IGF2BP3: variants seen among roughly 807,000 people sequenced by gnomAD.
IGF2BP3 encodes insulin-like growth factor 2 mRNA-binding protein 3.
Under a neutral mutation model 73.8 loss-of-function variants are expected in IGF2BP3, and 9 were observed. The observed-to-expected ratio is 0.12, with a 90% confidence interval of 0.07 to 0.21. The LOEUF (loss-of-function observed/expected upper bound fraction) is 0.21, where lower values mean the gene tolerates loss of function less well. Ranked by LOEUF, IGF2BP3 falls within the 10% of genes least tolerant of loss-of-function variation. The pLI is 1.00. For synonymous variants in IGF2BP3, 258 were observed against 256.7 expected, an observed-to-expected ratio of 1.01 and a Z score of -0.05; for missense variants, 542 against 714.0, an observed-to-expected ratio of 0.76 and a Z score of 2.75.
At chr7:23,322,183 G>A (rs1345443016) in intron 10 of IGF2BP3, among the ~76,000 whole-genome samples, 2 of 152,158 alleles carry the variant, frequency 1.3e-5, no homozygotes, top group Non-Finnish European at 2.9e-5. Flanking sequence ...AAAAAGTTTA[G>A]AAGAATGTAT....
intron 6 of IGF2BP3, among the ~76,000 whole-genome samples, chr7:23,348,203 C>T (rs1255981913): frequency 6.6e-6 from 1 of 152,224 alleles, no homozygotes; most frequent in Non-Finnish European, 1.5e-5. Flanking sequence ...TTGCAAGGTT[C>T]TTCCCACATT....
At chr7:23,460,085 T>C (rs1402950190) in intron 2 of IGF2BP3, among the ~76,000 whole-genome samples, 2 of 123,982 alleles carry the variant, frequency 1.6e-5, no homozygotes, top group Non-Finnish European at 3.4e-5. Flanking sequence ...AAAAAAAAAT[T>C]AGCCAGACGA....
At chr7:23,334,287 C>T (rs1784517642) in intron 10 of IGF2BP3, among the ~76,000 whole-genome samples, 1 of 152,162 alleles carries the variant, frequency 6.6e-6, no homozygotes, top group Non-Finnish European at 1.5e-5. Flanking sequence ...AAGATCATGA[C>T]ACTGCACTCC....
chr7:23,398,289 C>T (rs1057429791), intron 3 of IGF2BP3, among the ~76,000 whole-genome samples: 1 of 152,186 alleles, frequency 6.6e-6, no homozygotes, highest in Non-Finnish European at 1.5e-5. Flanking sequence ...ATATGTGCCA[C>T]ATTTTCTTAA....
chr7:23,415,307 C>T (rs1189186280), intron 3 of IGF2BP3: 2 of 242,572 alleles, frequency 8.2e-6, no homozygotes, highest in African/African-American at 2.4e-5. Context: ...TCACCACATC[C>T]GCAGGTCCCC....
At chr7:23,427,302 AG>A (rs1055864005) in intron 2 of IGF2BP3, among the ~76,000 whole-genome samples, 2 of 152,146 alleles carry the variant, frequency 1.3e-5, no homozygotes, top group African/African-American at 4.8e-5. Context: ...AATTTCTTGG[AG>A]GTCCCGTTTC....
At chr7:23,440,823 A>G (rs1196102294) in intron 2 of IGF2BP3, among the ~76,000 whole-genome samples, 1 of 152,222 alleles carries the variant, frequency 6.6e-6, no homozygotes. Context: ...CCCACATCAT[A>G]TACATAAACA....
intron 3 of IGF2BP3, 100 bp from the exon 4 acceptor site, chr7:23,361,841 AG>A: frequency 9.8e-7 from 1 of 1,021,148 alleles, no homozygotes; most frequent in Non-Finnish European, 1.4e-6. Flanking sequence ...GTGATGGAAA[AG>A]AGCCAAAAAA....
chr7:23,451,632 A>G, intron 2 of IGF2BP3, among the ~76,000 whole-genome samples: 1 of 151,954 alleles, frequency 6.6e-6, no homozygotes, highest in South Asian at 2.1e-4. Context: ...ATTCCTTATA[A>G]CTGCTACAAA....
intron 5 of IGF2BP3, among the ~76,000 whole-genome samples, chr7:23,355,159 C>T (rs1409045312): frequency 1.3e-5 from 2 of 151,930 alleles, no homozygotes; most frequent in East Asian, 3.9e-4. Context: ...TTCAGTTAAA[C>T]AGAACTTAAA....
intron 2 of IGF2BP3, among the ~76,000 whole-genome samples, chr7:23,449,683 G>C (rs758398455): frequency 6.7e-6 from 1 of 149,798 alleles, no homozygotes; most frequent in African/African-American, 2.5e-5. Context: ...TCAGCCTCCT[G>C]AGTAGCTGGG....
At chr7:23,465,703 G>A (rs1788551691) in intron 2 of IGF2BP3, among the ~76,000 whole-genome samples, 1 of 152,212 alleles carries the variant, frequency 6.6e-6, no homozygotes, top group South Asian at 2.1e-4. Flanking sequence ...TGCTGCACAT[G>A]TGGGTGTGCC....
chr7:23,336,205 T>A (rs902314212), intron 10 of IGF2BP3, among the ~76,000 whole-genome samples: 21 of 152,150 alleles, frequency 1.4e-4, no homozygotes, highest in African/African-American at 5.1e-4. Context: ...AAAAATTATT[T>A]GAAACATTTA....
intron 3 of IGF2BP3, among the ~76,000 whole-genome samples, chr7:23,382,036 A>G (rs1255982879): frequency 6.6e-6 from 1 of 152,110 alleles, no homozygotes; most frequent in Non-Finnish European, 1.5e-5. Flanking sequence ...CGGGAGAATC[A>G]CTCAAGCTCA....
chr7:23,340,377 C>A (rs972182543), intron 10 of IGF2BP3, among the ~76,000 whole-genome samples: 2 of 152,120 alleles, frequency 1.3e-5, no homozygotes, highest in Admixed American at 1.3e-4. Flanking sequence ...CTGCTTAGAA[C>A]CCCAATCAGT....
chr7:23,458,922 T>G (rs185653428), intron 2 of IGF2BP3, among the ~76,000 whole-genome samples: 1 of 152,152 alleles, frequency 6.6e-6, no homozygotes, highest in Non-Finnish European at 1.5e-5. Flanking sequence ...CTTTGAGGAT[T>G]TGGACAACTT....
At chr7:23,426,654 A>G (rs1787519821) in intron 2 of IGF2BP3, among the ~76,000 whole-genome samples, 1 of 152,182 alleles carries the variant, frequency 6.6e-6, no homozygotes, top group African/African-American at 2.4e-5. Context: ...AGTGTTTAAT[A>G]CATTCCTCTG....
chr7:23,374,203 A>G (rs1363786812), intron 3 of IGF2BP3, among the ~76,000 whole-genome samples: 2 of 152,194 alleles, frequency 1.3e-5, no homozygotes, highest in East Asian at 1.9e-4. Context: ...CAAAATAGCC[A>G]ATAATTGAAA....
chr7:23,460,056 T>C (rs887728186), intron 2 of IGF2BP3, among the ~76,000 whole-genome samples: 7 of 147,846 alleles, frequency 4.7e-5, no homozygotes, highest in African/African-American at 1.8e-4. Context: ...CAGCAAGACA[T>C]CGTCTCTACT....
Sources: allele counts gnomAD v4.1 joint callset (sites outside exome capture counted in the v4.1 genomes callset), GRCh38; gene constraint gnomAD v4.1.1; transcripts MANE v1.5; gene names NCBI Gene and HGNC (gene_info 2026-07-23, HGNC 2026-07-21).